SLC1A7: variants seen among roughly 807,000 people sequenced by gnomAD.
SLC1A7 encodes solute carrier family 1 member 7, also known as excitatory amino acid transporter 5.
SLC1A7 carries 40 observed loss-of-function variants against 47.7 expected under a neutral mutation model. The ratio of observed to expected loss-of-function variants is 0.84; its 90% confidence interval spans 0.65 to 1.09. The LOEUF (loss-of-function observed/expected upper bound fraction) is 1.09. Among genes scored for constraint, SLC1A7 ranks in the 50% least tolerant of loss-of-function variants. The pLI is 0.00. For missense variants in SLC1A7, 746 were observed against 769.5 expected (o/e 0.97, Z 0.36); for synonymous variants, 323 against 325.6 (o/e 0.99, Z 0.09).
intron 2 of SLC1A7, among the ~76,000 whole-genome samples, chr1:53,123,459 T>C (rs1644847251): frequency 6.6e-6 from 1 of 152,112 alleles, no homozygotes; most frequent in Non-Finnish European, 1.5e-5. Flanking sequence ...CCCTGCCCGG[T>C]GTTGAACATT....
chr1:53,108,477 C>A, intron 3 of SLC1A7: 1 of 681,738 alleles, frequency 1.5e-6, no homozygotes, highest in South Asian at 1.7e-5. Flanking sequence ...TTGTGGGGAC[C>A]AAATGGGACC....
chr1:53,090,875 C>G, intron 7 of SLC1A7, 69 bp from the exon 8 acceptor site: 1 of 1,553,752 alleles, frequency 6.4e-7, no homozygotes, highest in Non-Finnish European at 8.7e-7. Context: ...TGTCGGGAAG[C>G]TCACCCCTCC....
intron 1 of SLC1A7, among the ~76,000 whole-genome samples, chr1:53,135,580 T>G (rs150791130): frequency 1.3e-5 from 2 of 152,222 alleles, no homozygotes; most frequent in East Asian, 1.9e-4. Flanking sequence ...ATAAGCTGTC[T>G]CGCAAGTAAC....
intron 5 of SLC1A7, among the ~76,000 whole-genome samples, chr1:53,099,234 C>CCT (rs1553162220): frequency 3.9e-5 from 1 of 25,566 alleles, no homozygotes. Flanking sequence ...CACTCACACA[C>CCT]CGCCTCGGTA....
chr1:53,097,795 G>C (rs571548366), intron 5 of SLC1A7, among the ~76,000 whole-genome samples: 22 of 146,158 alleles, frequency 1.5e-4, no homozygotes, highest in African/African-American at 4.6e-4. Flanking sequence ...CACACACACC[G>C]CCTCAGTACA....
intron 4 of SLC1A7, 146 bp downstream of exon 4, chr1:53,105,586 G>T: frequency 2.7e-6 from 2 of 733,754 alleles, no homozygotes; most frequent in Middle Eastern, 3.6e-4. Context: ...GTTCCCCAGC[G>T]TACCCTCCCC....
intron 3 of SLC1A7, among the ~76,000 whole-genome samples, chr1:53,111,312 G>A (rs984954497): frequency 2.0e-5 from 3 of 152,166 alleles, no homozygotes; most frequent in African/African-American, 7.2e-5. Flanking sequence ...TGGAGCCAGG[G>A]CAGGGAAAGG....
rs747019703 is a variant in SLC1A7 at position 53,093,329 on chromosome 1, C to T, written c.797+132G>A. The T allele has an allele frequency of 1.5e-4, 112 of 730,652 alleles. No homozygotes were observed. The African/African-American group carries it at 1.6e-3, about 11-fold the overall frequency. 45.3% of individuals were successfully genotyped at this position (730,652 alleles called of 1,614,324 possible). On this transcript the variant is annotated intron_variant, in intron 6 of 10. Coordinates refer to ENST00000371494, the MANE Select transcript of SLC1A7 (RefSeq NM_006671.6). ...GGACCCATGGAAACACATGTAGCTCCGGAGGCCCCGGCCCAGGGCTGAGCC... is the reference window on the plus strand; with the variant it reads ...GGACCCATGGAAACACATGTAGCTCTGGAGGCCCCGGCCCAGGGCTGAGCC...
At position 53,108,737 on chromosome 1, in the gene SLC1A7, G is replaced by A. The variant is rs1041999212; in HGVS notation, c.432-2963C>T. ...CATGGCACGGCACACAGGAGGGCAG[G>A]GCCTGGGACCCTGGTGACTGCCAGC... On this transcript the variant is annotated intron_variant, in intron 3 of 10. Coordinates refer to ENST00000371494, the MANE Select transcript of SLC1A7 (RefSeq NM_006671.6). 4 of 694,200 alleles carry A rather than the reference G, an allele frequency of 5.8e-6. No individual in the cohort carries two copies. In the African/African-American group the frequency reaches 7.1e-5, roughly 12 times the overall value. 43.0% of individuals were successfully genotyped at this position (694,200 alleles called of 1,614,324 possible). A position where few individuals can be genotyped will look rare whatever the true frequency, so the allele number is the denominator to read the frequency against.
intron 1 of SLC1A7, among the ~76,000 whole-genome samples, chr1:53,138,650 G>C (rs1258992981): frequency 6.6e-6 from 1 of 151,428 alleles, no homozygotes; most frequent in Admixed American, 6.6e-5. Flanking sequence ...TTACAGGCAT[G>C]AGCCACCAGG....
At chr1:53,116,106 A>G (rs1451100322) in intron 2 of SLC1A7, 1 of 152,302 alleles carries the variant, frequency 6.6e-6, no homozygotes, top group Non-Finnish European at 1.5e-5. Flanking sequence ...TCCTCTTATC[A>G]TTAGATTCCA....
chr1:53,094,383 C>G (rs927998670), intron 5 of SLC1A7, among the ~76,000 whole-genome samples: 2 of 152,104 alleles, frequency 1.3e-5, no homozygotes, highest in Non-Finnish European at 2.9e-5. Flanking sequence ...AGTCCTGAAA[C>G]AGGGACTGAG....
intron 5 of SLC1A7, among the ~76,000 whole-genome samples, chr1:53,093,930 T>C (rs1644455451): frequency 6.6e-6 from 1 of 152,084 alleles, no homozygotes; most frequent in African/African-American, 2.4e-5. Flanking sequence ...CCTGCCCATC[T>C]CACTGTGCCC....
At chr1:53,095,892 C>T (rs1401987784) in intron 5 of SLC1A7, among the ~76,000 whole-genome samples, 4 of 150,700 alleles carry the variant, frequency 2.7e-5, no homozygotes, top group African/African-American at 9.8e-5. Flanking sequence ...TTCACATCGC[C>T]TCGGTACACT....
Position 53,114,808 on chromosome 1 carries a change from C to G in SLC1A7, c.381G>C (p.Gln127His). 6.2e-7 allele frequency: 1 copy of G among 1,614,206 alleles called. No individual in the cohort carries two copies. The highest frequency in any genetic ancestry group is 1.1e-5 in the South Asian group (1 of 91,066). Residue 127 changes from glutamine to histidine, a missense_variant, in exon 3 of 11, where the codon CAG (glutamine) becomes CAC (histidine). Coordinates refer to ENST00000371494, the MANE Select transcript of SLC1A7 (RefSeq NM_006671.6). ...GSAAQKETTE[Q>H]SGKPIMSSAD... ...CTGAGCTCATGATGGGCTTCCCACT[C>G]TGCTCCGTGGTCTCCTTCTGGGCCG...
At chr1:53,136,688 A>G (rs1645003916) in intron 1 of SLC1A7, among the ~76,000 whole-genome samples, 1 of 135,478 alleles carries the variant, frequency 7.4e-6, no homozygotes, top group Admixed American at 7.5e-5. Flanking sequence ...TTTTTTTGAG[A>G]CAAGGTCTCA....
intron 2 of SLC1A7, among the ~76,000 whole-genome samples, chr1:53,127,389 G>A (rs1414081775): frequency 6.6e-6 from 1 of 152,228 alleles, no homozygotes; most frequent in Non-Finnish European, 1.5e-5. Context: ...AAGCTGAGCA[G>A]TGGCTCCACT....
Position 53,129,691 on chromosome 1 carries a change from A to G in SLC1A7, c.215+4659T>C, listed in dbSNP as rs1644922028. On this transcript the variant is annotated intron_variant, in intron 2 of 10. Transcript: ENST00000371494. ...TTCTCCAGAGCAAGGTGTGCCTGTGACCCCTCCATGGCAGCCCAGGGGCCT... is the reference window on the plus strand; with the variant it reads ...TTCTCCAGAGCAAGGTGTGCCTGTGGCCCCTCCATGGCAGCCCAGGGGCCT... Among the ~76,000 whole-genome samples the G allele has an allele frequency of 2.8e-5, 4 of 141,342 alleles. 1 individual carries two copies. In the South Asian group the frequency reaches 8.8e-4, roughly 31 times the overall value. 92.7% of individuals were successfully genotyped at this position (141,342 alleles called of 152,430 possible). A position where few individuals can be genotyped will look rare whatever the true frequency, so the allele number is the denominator to read the frequency against.
chr1:53,134,754 C>T (rs548543619), intron 1 of SLC1A7, among the ~76,000 whole-genome samples: 1 of 152,280 alleles, frequency 6.6e-6, no homozygotes, highest in African/African-American at 2.4e-5. Flanking sequence ...TCCGAGACCG[C>T]CAGTGGATGC....
Sources: gnomAD v4.1 joint callset for allele counts (sites outside exome capture counted in the v4.1 genomes callset) on GRCh38, gnomAD v4.1.1 for gene constraint, MANE v1.5 for transcripts, NCBI Gene and HGNC (gene_info 2026-07-23, HGNC 2026-07-21) for gene names.